BSPRY: variants seen among roughly 807,000 people sequenced by gnomAD.
BSPRY encodes B-box and SPRY domain containing, also known as B box and SPRY domain-containing protein.
BSPRY carries 33 observed loss-of-function variants against 38.0 expected under a neutral mutation model. The observed-to-expected ratio is 0.87, with a 90% confidence interval of 0.66 to 1.16. The LOEUF is 1.16. BSPRY is among the 50% of genes most tolerant of loss of function. The probability of loss-of-function intolerance (pLI) is 0.00; values close to 1 mark genes in which losing one functional copy is unlikely to be tolerated. For missense variants in BSPRY, 523 were observed against 533.2 expected (o/e 0.98, Z 0.19); for synonymous variants, 224 against 228.5 (o/e 0.98, Z 0.18).
At chr9:113,368,175 T>C in intron 4 of BSPRY, 84 bp from the exon 5 acceptor site, 2 of 1,538,252 alleles carry the variant, frequency 1.3e-6, no homozygotes, top group Non-Finnish European at 1.8e-6. Context: ...AGATTTTACT[T>C]CTGTTCTTCT....
chr9:113,352,014 T>G (rs1176845324), intron 1 of BSPRY, among the ~76,000 whole-genome samples: 1 of 152,092 alleles, frequency 6.6e-6, no homozygotes, highest in Non-Finnish European at 1.5e-5. Flanking sequence ...TTTCACCACG[T>G]TGGCCAGGCT....
rs570967595 is a variant in BSPRY at position 113,360,660 on chromosome 9, G to A, written c.454G>A (p.Glu152Lys). Residue 152 changes from glutamate (E) to lysine (K), a missense_variant, in exon 3 of 6, where the codon GAG becomes AAG. By Grantham distance (56) the Glu-to-Lys change is moderately conservative. Coordinates refer to ENST00000374183, the MANE Select transcript of BSPRY (RefSeq NM_017688.3). ...SILTQRVHWA[E>K]ALQKLDTIRT... is the part of the protein sequence containing the mutation. ...CCTGACACAGCGGGTGCACTGGGCC[G>A]AGGCGCTGCAGAAACTTGACACCAT... The A allele has an allele frequency of 1.2e-5, 19 of 1,608,492 alleles. No homozygotes were observed. The highest frequency in any genetic ancestry group is 4.4e-5 in the South Asian group (4 of 89,928).
chr9:113,367,452 C>A (rs1834269874), intron 4 of BSPRY, among the ~76,000 whole-genome samples: 1 of 152,116 alleles, frequency 6.6e-6, no homozygotes, highest in Admixed American at 6.6e-5. Context: ...GTGGACCCCT[C>A]AGGTGTTTGC....
intron 4 of BSPRY, among the ~76,000 whole-genome samples, chr9:113,366,719 G>A (rs905452078): frequency 3.9e-5 from 6 of 152,326 alleles, no homozygotes; most frequent in South Asian, 2.1e-4. Flanking sequence ...GAGCTCCTGC[G>A]TTCTGAGAAG....
At chr9:113,356,897 TTA>T (rs1834069182) in intron 2 of BSPRY, among the ~76,000 whole-genome samples, 1 of 152,154 alleles carries the variant, frequency 6.6e-6, no homozygotes, top group Admixed American at 6.5e-5. Context: ...TGTGGGCATG[TTA>T]TGTTTGAGAT....
chr9:113,360,568 GC>G lies in BSPRY; in HGVS notation c.363del (p.Cys121TrpfsTer24), dbSNP rs1390573826. The G allele has an allele frequency of 6.2e-7, 1 of 1,608,202 alleles. No individual in the cohort carries two copies. The highest frequency in any genetic ancestry group is 8.5e-7 in the Non-Finnish European group (1 of 1,178,642). On this transcript the variant is annotated frameshift_variant, in exon 3 of 6. Coordinates refer to ENST00000374183, the MANE Select transcript of BSPRY (RefSeq NM_017688.3). LOFTEE classifies it high-confidence loss of function. ...IQRLSLVRSL[C>X]ESEEQRLLEQ... ...CGGTTGAGTCTGGTGAGGAGTCTTT[GC>G]GAGAGCGAGGAGCAGCGGTTACTGG...
In BSPRY at chr9:113,368,357, C is replaced by T; in HGVS notation, c.656C>T (p.Ala219Val). The T allele has an allele frequency of 1.2e-6, 2 of 1,614,146 alleles. No homozygotes were observed. Among genetic ancestry groups the T allele is most frequent in the Non-Finnish European group, 1.7e-6 (2 of 1,180,026 alleles). The change falls in exon 5 of 6, where the codon GCA becomes GTA. Residue 219 changes from alanine (A) to valine (V), a missense_variant. Transcript: ENST00000374183. ...TRSPLLTQLW[A>V]TAVLGSLSGT... ...AGCCCACTACTGACCCAACTCTGGG[C>T]AACGGCGGTTCTTGGGTCTCTCTCA...
At chr9:113,355,676 G>A (rs112241970) in intron 2 of BSPRY, among the ~76,000 whole-genome samples, 25,735 of 150,656 alleles carry the variant, frequency 0.17, 2,283 homozygotes, top group Admixed American at 0.21. Flanking sequence ...GTGCAATGGC[G>A]CGATCTCGGC....
At position 113,370,051 on chromosome 9, in the gene BSPRY, GCACAGTGCT is replaced by G. The variant is rs772421817; in HGVS notation, c.1120_1128del (p.Thr374_Leu376del). The G allele has an allele frequency of 6.2e-7, 1 of 1,614,116 alleles. No individual in the cohort carries two copies. The highest frequency in any genetic ancestry group is 1.1e-5 in the South Asian group (1 of 91,074). ...CTGCTCTTCTATGAGCCAGCCTCCG[GCACAGTGCT>G]CTGTGCCCATCATGTGTCCTTCCCG... On this transcript the variant is annotated inframe_deletion, in exon 6 of 6. Coordinates refer to ENST00000374183, the MANE Select transcript of BSPRY (RefSeq NM_017688.3). This position sits in a 1 kb window ranked among gnomAD's most constrained non-coding sequence, Gnocchi z 4.8.
At chr9:113,361,059 G>T (rs919023287) in intron 3 of BSPRY, among the ~76,000 whole-genome samples, 1 of 152,122 alleles carries the variant, frequency 6.6e-6, no homozygotes, top group Non-Finnish European at 1.5e-5. Context: ...GGTGATGTCT[G>T]ATCACTGTGT....
intron 2 of BSPRY, among the ~76,000 whole-genome samples, chr9:113,355,122 A>G (rs575730368): frequency 6.6e-6 from 1 of 152,280 alleles, no homozygotes; most frequent in Non-Finnish European, 1.5e-5. Flanking sequence ...CTTCCAAAGT[A>G]CTAGGATTAC....
intron 2 of BSPRY, among the ~76,000 whole-genome samples, chr9:113,358,269 TC>T (rs1834096603): frequency 6.6e-6 from 1 of 150,872 alleles, no homozygotes; most frequent in Admixed American, 6.6e-5. Context: ...AATAAAAACC[TC>T]TTTTTTTTTC....
Position 113,369,951 on chromosome 9 carries a change from G to A in BSPRY, c.1018G>A (p.Gly340Arg), listed in dbSNP as rs201963635. 1.9e-4 allele frequency: 302 copies of A among 1,614,044 alleles called. No individual in the cohort carries two copies. Among genetic ancestry groups the A allele is most frequent in the Middle Eastern group, 1.6e-4 (1 of 6,084 alleles). ...YDQEFRFSHN[G>R]QHEPLGLLRG... ...TCAGGAGTTTCGTTTCTCACACAAT[G>A]GGCAGCACGAGCCCCTGGGGCTGCT... Residue 340 changes from glycine (G) to arginine (R), a missense_variant, in exon 6 of 6, where the codon GGG becomes AGG. Gly to Arg is a moderately radical substitution (Grantham distance 125). Coordinates refer to ENST00000374183, the MANE Select transcript of BSPRY (RefSeq NM_017688.3).
At chr9:113,364,118 G>A (rs1168214152) in intron 4 of BSPRY, among the ~76,000 whole-genome samples, 8 of 152,002 alleles carry the variant, frequency 5.3e-5, no homozygotes, top group Non-Finnish European at 7.4e-5. Flanking sequence ...CCCAGGAGGC[G>A]GAGGTTATAG....
chr9:113,367,515 G>A (rs933345145), intron 4 of BSPRY, among the ~76,000 whole-genome samples: 15 of 152,158 alleles, frequency 9.9e-5, no homozygotes, highest in African/African-American at 2.2e-4. Flanking sequence ...AGGGAAACAT[G>A]ACTGCCCCAA....
chr9:113,361,713 C>A (rs1417985155), intron 3 of BSPRY, among the ~76,000 whole-genome samples: 1 of 152,192 alleles, frequency 6.6e-6, no homozygotes, highest in African/African-American at 2.4e-5. Context: ...CTCCGGGGAG[C>A]TGACAAGGTC....
intron 2 of BSPRY, among the ~76,000 whole-genome samples, chr9:113,360,145 C>T (rs937663277): frequency 6.6e-6 from 1 of 152,186 alleles, no homozygotes; most frequent in African/African-American, 2.4e-5. Flanking sequence ...TTTAGGCCCT[C>T]TGCTCTGCAA....
chr9:113,355,788 G>T (rs10119865), intron 2 of BSPRY, among the ~76,000 whole-genome samples: 1 of 151,532 alleles, frequency 6.6e-6, no homozygotes, highest in Admixed American at 6.6e-5. Context: ...CTAATTTTTT[G>T]TATTTTTAGT....
chr9:113,367,026 C>T (rs1278951459), intron 4 of BSPRY, among the ~76,000 whole-genome samples: 1 of 152,198 alleles, frequency 6.6e-6, no homozygotes, highest in Non-Finnish European at 1.5e-5. Context: ...GGCTGCAAAG[C>T]TCCATGGTAA....
Sources: allele counts gnomAD v4.1 joint callset (sites outside exome capture counted in the v4.1 genomes callset), GRCh38; gene constraint gnomAD v4.1.1; non-coding constraint Gnocchi (gnomAD v3.1); transcripts MANE v1.5; gene names NCBI Gene and HGNC (gene_info 2026-07-23, HGNC 2026-07-21).